The following ARSJ variants were observed in gnomAD, a reference collection of about 807,000 sequenced individuals.
ARSJ encodes the protein arylsulfatase J.
In ARSJ, 26 loss-of-function variants were observed where a neutral mutation model predicts 35.9. The ratio of observed to expected loss-of-function variants is 0.72; its 90% CI spans 0.53 to 1.00. The LOEUF is 1.00. Among genes scored for constraint, ARSJ ranks in the 50% least tolerant of loss-of-function variants. ARSJ has a pLI of 0.00. For synonymous variants in ARSJ, 294 were observed against 267.6 expected, an observed-to-expected ratio of 1.10 and a Z score of -0.96; for missense variants, 667 against 723.6, an observed-to-expected ratio of 0.92 and a Z score of 0.90.
At chr4:113,974,638 C>T (rs1460443280) in intron 1 of ARSJ, among the ~76,000 whole-genome samples, 2 of 151,980 alleles carry the variant, frequency 1.3e-5, no homozygotes, top group African/African-American at 4.8e-5. Flanking sequence ...TGCATAATGA[C>T]CAGAGTGGCT....
At chr4:113,932,364 A>G (rs1267151707) in intron 1 of ARSJ, among the ~76,000 whole-genome samples, 1 of 152,114 alleles carries the variant, frequency 6.6e-6, no homozygotes, top group East Asian at 1.9e-4. Flanking sequence ...TTAGACTAAT[A>G]GCCCTAACTG....
At chr4:113,931,880 C>T (rs781429421) in intron 1 of ARSJ, among the ~76,000 whole-genome samples, 6 of 151,926 alleles carry the variant, frequency 3.9e-5, no homozygotes, top group Non-Finnish European at 5.9e-5. Flanking sequence ...CAATCCCAAT[C>T]GGTAAAGAAT....
In ARSJ at chr4:113,919,299, T is replaced by C. The variant is rs572272542; in HGVS notation, c.399-15624A>G. 1.7e-4 allele frequency among the ~76,000 whole-genome samples: 26 copies of C among 152,134 alleles called. 1 individual carries two copies. Among genetic ancestry groups the C allele is most frequent in the South Asian group, 4.2e-4 (2 of 4,818 alleles). On this transcript the variant is annotated intron_variant, in intron 1 of 1. Transcript: ENST00000315366. ...CCTAGAAATCGAAACCAGTCTTATA[T>C]AGTGAAATCTCAAAGAAAAGGCCGA...
At chr4:113,930,549 T>C (rs1724369887) in intron 1 of ARSJ, among the ~76,000 whole-genome samples, 1 of 152,130 alleles carries the variant, frequency 6.6e-6, no homozygotes, top group South Asian at 2.1e-4. Context: ...AAGCATTCAA[T>C]AATTGGTAGT....
intron 1 of ARSJ, among the ~76,000 whole-genome samples, chr4:113,925,712 C>A (rs1042275322): frequency 6.6e-6 from 1 of 152,128 alleles, no homozygotes; most frequent in Non-Finnish European, 1.5e-5. Flanking sequence ...TCCCATGAGT[C>A]CACAGATGGT....
rs139807143 is a variant in ARSJ at position 113,921,842 on chromosome 4, G to A, written c.399-18167C>T. Among the ~76,000 whole-genome samples the A allele has an allele frequency of 7.1e-3, 1,074 of 152,212 alleles. 10 individuals are homozygous for A. Among genetic ancestry groups the A allele is most frequent in the Middle Eastern group, 0.024 (7 of 294 alleles). On this transcript the variant is annotated intron_variant, in intron 1 of 1. Transcript: ENST00000315366. ...ACAATAGTCACATGCAGGCAACCTG[G>A]GCACAACAACCAAGAATGGAATACC...
In ARSJ at chr4:113,963,295, G is replaced by A. The variant is rs111797294; in HGVS notation, c.398+15142C>T. 7.3e-3 allele frequency among the ~76,000 whole-genome samples: 1,110 copies of A among 152,152 alleles called. 6 individuals are homozygous for A. Among genetic ancestry groups the A allele is most frequent in the Non-Finnish European group, 0.01 (700 of 67,970 alleles). ...CTCATGTTGCTATAAAGGACTGCCTGAGACTGGGTAGTTTATAAAGGAAAG... is the reference window on the plus strand; with the variant it reads ...CTCATGTTGCTATAAAGGACTGCCTAAGACTGGGTAGTTTATAAAGGAAAG... On this transcript the variant is annotated intron_variant, in intron 1 of 1. Transcript: ENST00000315366.
rs1158592595 is a variant in ARSJ, at chr4:113,903,272, C to T, written c.802G>A (p.Val268Ile). The change falls in exon 2 of 2, where the codon GTT (valine) becomes ATT (isoleucine). Residue 268 changes from valine to isoleucine, a missense_variant. By Grantham distance (29) the Val-to-Ile change is conservative (BLOSUM62 3). Transcript: ENST00000315366. ...PIFLYIAYQA[V>I]HSPLQAPGRY... ...CCAGGAGCTTGCAGTGGTGAATGAACAGCTTGATAGGCAATATATAAAAAT... is the reference window on the plus strand; with the variant it reads ...CCAGGAGCTTGCAGTGGTGAATGAATAGCTTGATAGGCAATATATAAAAAT... 1.9e-6 allele frequency: 3 copies of T among 1,614,018 alleles called. No individual in the cohort carries two copies. Among genetic ancestry groups the T allele is most frequent in the Non-Finnish European group, 2.5e-6 (3 of 1,180,032 alleles).
At chr4:113,904,466 C>T (rs2099668120) in intron 1 of ARSJ, among the ~76,000 whole-genome samples, 1 of 151,856 alleles carries the variant, frequency 6.6e-6, no homozygotes, top group Non-Finnish European at 1.5e-5. Flanking sequence ...GAAAAATCTC[C>T]TGTTTGATTG....
chr4:113,945,474 A>G (rs1438273578), intron 1 of ARSJ, among the ~76,000 whole-genome samples: 3 of 152,086 alleles, frequency 2.0e-5, no homozygotes, highest in Non-Finnish European at 4.4e-5. Context: ...ATTCCTGACA[A>G]TGACACAAGA....
chr4:113,903,585 T>A lies in ARSJ; in HGVS notation c.489A>T (p.Lys163Asn). 1 of 1,614,198 alleles carries A rather than the reference T, an allele frequency of 6.2e-7. No individual in the cohort carries two copies. The change falls in exon 2 of 2, where the codon AAA becomes AAT. Residue 163 changes from lysine to asparagine, a missense_variant. Transcript: ENST00000315366. ...GCGTTGAATATCCAACCTCCTTCAG[T>A]TTCTGAGGTAGGGTGGCATTGTCCA... ...LPLDNATLPQKLKEVGYSTHM... is the reference protein window; with the variant it reads ...LPLDNATLPQNLKEVGYSTHM...
At chr4:113,938,565 T>G (rs987715404) in intron 1 of ARSJ, among the ~76,000 whole-genome samples, 30 of 152,186 alleles carry the variant, frequency 2.0e-4, no homozygotes, top group African/African-American at 6.3e-4. Flanking sequence ...AAAGAGCTTC[T>G]GCACAGCAAA....
intron 1 of ARSJ, among the ~76,000 whole-genome samples, chr4:113,919,274 C>T (rs1324597086): frequency 6.6e-6 from 1 of 151,948 alleles, no homozygotes; most frequent in African/African-American, 2.4e-5. Context: ...CTACTGGACT[C>T]CTAGAAATCG....
chr4:113,935,422 G>T (rs577317012), intron 1 of ARSJ, among the ~76,000 whole-genome samples: 1 of 151,902 alleles, frequency 6.6e-6, no homozygotes, highest in African/African-American at 2.4e-5. Context: ...TATATAAAAA[G>T]GAGCTAAATA....
chr4:113,904,120 G>A (rs2099667994), intron 1 of ARSJ, among the ~76,000 whole-genome samples: 1 of 151,758 alleles, frequency 6.6e-6, no homozygotes. Flanking sequence ...GTAGAGACAG[G>A]GTTTCACCAT....
intron 1 of ARSJ, among the ~76,000 whole-genome samples, chr4:113,971,456 T>A (rs892784623): frequency 6.6e-6 from 1 of 152,220 alleles, no homozygotes; most frequent in African/African-American, 2.4e-5. Flanking sequence ...TTTAAAATTA[T>A]GGACTTTGAG....
At chr4:113,972,134 T>A (rs534320237) in intron 1 of ARSJ, among the ~76,000 whole-genome samples, 4 of 152,232 alleles carry the variant, frequency 2.6e-5, no homozygotes, top group Admixed American at 2.6e-4. Flanking sequence ...AGGAGGCCTA[T>A]CTGGATTCTA....
intron 1 of ARSJ, among the ~76,000 whole-genome samples, chr4:113,963,472 A>G (rs1726693039): frequency 2.6e-5 from 4 of 152,036 alleles, no homozygotes; most frequent in Admixed American, 2.6e-4. Context: ...TAAAACCAGC[A>G]GATCTTGTGA....
intron 1 of ARSJ, chr4:113,943,114 G>C (rs150836107): frequency 2.0e-5 from 3 of 152,004 alleles, no homozygotes; most frequent in Non-Finnish European, 4.4e-5. Context: ...AACTTGCTTA[G>C]ACAACTTTAA....
Sources: allele counts gnomAD v4.1 joint callset (sites outside exome capture counted in the v4.1 genomes callset), GRCh38; gene constraint gnomAD v4.1.1; transcripts MANE v1.5; gene names NCBI Gene and HGNC (gene_info 2026-07-23, HGNC 2026-07-21).